The following MSI2 variants were observed in gnomAD, a reference collection of about 807,000 sequenced individuals.
MSI2 encodes RNA-binding protein Musashi homolog 2.
MSI2 carries 17 observed loss-of-function variants against 45.6 expected under a neutral mutation model. The observed-to-expected ratio is 0.37, with a 90% CI of 0.26 to 0.56. The LOEUF is 0.56. MSI2 is among the 20% of genes least tolerant of loss of function. The pLI is 0.77. For synonymous variants in MSI2, 156 were observed against 158.2 expected (o/e 0.99, Z 0.11); for missense variants, 293 against 444.2 (o/e 0.66, Z 3.06).
intron 11 of MSI2, among the ~76,000 whole-genome samples, chr17:57,673,634 A>G (rs759845168): frequency 1.4e-4 from 22 of 152,198 alleles, no homozygotes; most frequent in Non-Finnish European, 3.1e-4. Flanking sequence ...ACTACTAAGG[A>G]GAAATAAAGG....
intron 6 of MSI2, among the ~76,000 whole-genome samples, chr17:57,426,576 C>T (rs2084496250): frequency 6.6e-6 from 1 of 152,182 alleles, no homozygotes; most frequent in South Asian, 2.1e-4. Flanking sequence ...ATCTTACATA[C>T]ATTTTAATTT....
At chr17:57,669,841 C>T (rs1020351506) in intron 11 of MSI2, among the ~76,000 whole-genome samples, 1 of 152,218 alleles carries the variant, frequency 6.6e-6, no homozygotes, top group East Asian at 1.9e-4. Flanking sequence ...GCCACACGCA[C>T]AGGCTGGGCA....
rs137888764 is a variant in MSI2 at position 57,525,964 on chromosome 17, C to T, written c.406-3712C>T. Among the ~76,000 whole-genome samples, 43 of 152,310 alleles carry T rather than the reference C, an allele frequency of 2.8e-4. No homozygotes were observed. The East Asian group carries it at 5.0e-3, about 18-fold the overall frequency. On this transcript the variant is annotated intron_variant, in intron 6 of 13. Coordinates refer to ENST00000284073, the MANE Select transcript of MSI2 (RefSeq NM_138962.4). Reference sequence around the variant, plus strand: ...GTTCCTGGCCGGGCACAGTGGCTCACACCTGTAATCCCAGCACTTTGGGAG... The same window carrying T: ...GTTCCTGGCCGGGCACAGTGGCTCATACCTGTAATCCCAGCACTTTGGGAG...
At chr17:57,312,653 T>C (rs1179514018) in intron 5 of MSI2, among the ~76,000 whole-genome samples, 1 of 152,242 alleles carries the variant, frequency 6.6e-6, no homozygotes, top group Admixed American at 6.5e-5. Context: ...GGGCTGTGTT[T>C]TTTTACAGGC....
At chr17:57,535,566 A>G (rs74424015) in intron 7 of MSI2, among the ~76,000 whole-genome samples, 2,965 of 152,374 alleles carry the variant, frequency 0.019, 43 homozygotes, top group African/African-American at 0.02. Context: ...GTTGCTTATT[A>G]AATGCAATGC....
At chr17:57,303,603 T>C (rs555936514) in intron 5 of MSI2, among the ~76,000 whole-genome samples, 2 of 152,338 alleles carry the variant, frequency 1.3e-5, no homozygotes, top group Non-Finnish European at 2.9e-5. Flanking sequence ...ATTATTATTA[T>C]TGTACAGGAA....
chr17:57,618,414 TAAGA>T (rs1426537847), intron 9 of MSI2: 1 of 151,716 alleles, frequency 6.6e-6, no homozygotes, highest in Admixed American at 6.6e-5. Context: ...AAATATAAAA[TAAGA>T]AAGAGTTGGG....
intron 6 of MSI2, chr17:57,522,242 G>C (rs2086603161): frequency 1.3e-5 from 2 of 152,152 alleles, no homozygotes; most frequent in Non-Finnish European, 2.9e-5. Flanking sequence ...ATAGTATCAT[G>C]GTATTGCATT....
intron 5 of MSI2, among the ~76,000 whole-genome samples, chr17:57,388,206 G>T (rs2083718685): frequency 6.6e-6 from 1 of 152,178 alleles, no homozygotes; most frequent in African/African-American, 2.4e-5. Context: ...GATGATTTTG[G>T]CCTCTCTCTT....
At chr17:57,335,754 G>T (rs9898406) in intron 5 of MSI2, among the ~76,000 whole-genome samples, 16,045 of 152,240 alleles carry the variant, frequency 0.11, 1,628 homozygotes, top group African/African-American at 0.26. Context: ...TTTTAGGTAG[G>T]ATTGTCAGAC....
chr17:57,667,212 A>G (rs1912432355), intron 11 of MSI2, among the ~76,000 whole-genome samples: 1 of 152,120 alleles, frequency 6.6e-6, no homozygotes, highest in Non-Finnish European at 1.5e-5. Context: ...CTTGTCTGTT[A>G]TTCCTTGCAA....
chr17:57,553,183 G>T (rs146780733), intron 7 of MSI2, among the ~76,000 whole-genome samples: 1 of 152,168 alleles, frequency 6.6e-6, no homozygotes. Context: ...AGGGCTCAGC[G>T]CTTCAGTTGA....
At chr17:57,616,219 A>G in intron 9 of MSI2, 135 bp downstream of exon 9, 1 of 644,270 alleles carries the variant, frequency 1.6e-6, no homozygotes, top group Non-Finnish European at 2.7e-6. Context: ...GTAGATGAGG[A>G]TGATAATTCC....
chr17:57,693,207 G>T, the MSI2 span, among the ~76,000 whole-genome samples: 1 of 150,530 alleles, frequency 6.6e-6, no homozygotes, highest in South Asian at 2.1e-4. Flanking sequence ...TTTTGAGACA[G>T]AATTTCACTC....
At chr17:57,599,285 G>A (rs1463462478) in intron 8 of MSI2, among the ~76,000 whole-genome samples, 10 of 152,200 alleles carry the variant, frequency 6.6e-5, no homozygotes, top group Admixed American at 6.5e-4. Flanking sequence ...CTGGGAAACT[G>A]AGGCTCAGGG....
At chr17:57,595,909 G>A (rs1171396406) in intron 7 of MSI2, among the ~76,000 whole-genome samples, 1 of 152,198 alleles carries the variant, frequency 6.6e-6, no homozygotes, top group Admixed American at 6.5e-5. Context: ...TAAACATAAA[G>A]TAGATGCACA....
At chr17:57,377,198 G>A (rs369371784) in intron 5 of MSI2, among the ~76,000 whole-genome samples, 8 of 152,212 alleles carry the variant, frequency 5.3e-5, no homozygotes, top group East Asian at 3.8e-4. Flanking sequence ...GGGACCACAG[G>A]CGTGAGCCAC....
At chr17:57,409,989 C>T (rs1226865788) in intron 6 of MSI2, among the ~76,000 whole-genome samples, 1 of 95,336 alleles carries the variant, frequency 1.0e-5, no homozygotes, top group Non-Finnish European at 2.0e-5. Context: ...GCCCGGGTGA[C>T]AGTGTGAGAC....
intron 6 of MSI2, among the ~76,000 whole-genome samples, chr17:57,526,280 G>A (rs550295600): frequency 3.3e-4 from 50 of 152,014 alleles, no homozygotes; most frequent in Non-Finnish European, 6.0e-4. Flanking sequence ...AAGCTTTTGG[G>A]CTCTCCTAGC....
Sources: allele counts gnomAD v4.1 joint callset (sites outside exome capture counted in the v4.1 genomes callset), GRCh38; gene constraint gnomAD v4.1.1; transcripts MANE v1.5; gene names NCBI Gene and HGNC (gene_info 2026-07-23, HGNC 2026-07-21).